Variants in SYNPR observed in about 807,000 individuals in gnomAD.
SYNPR encodes synaptoporin.
Under a neutral mutation model 32.9 loss-of-function variants are expected in SYNPR, and 23 were observed. The ratio of observed to expected loss-of-function variants is 0.70; its 90% CI spans 0.50 to 0.99. The LOEUF (loss-of-function observed/expected upper bound fraction) is 0.99. Ranked by LOEUF, SYNPR falls within the 50% of genes least tolerant of loss-of-function variation. SYNPR has a pLI of 0.00. For synonymous variants in SYNPR, 146 were observed against 135.9 expected, an observed-to-expected ratio of 1.07 and a Z score of -0.52; for missense variants, 318 against 349.3, an observed-to-expected ratio of 0.91 and a Z score of 0.71.
At chr3:63,604,526 G>T (rs1385396713) in intron 4 of SYNPR, among the ~76,000 whole-genome samples, 1 of 152,092 alleles carries the variant, frequency 6.6e-6, no homozygotes, top group East Asian at 1.9e-4. Context: ...GTGTCCCAGA[G>T]ATTCTGGTAT....
At chr3:63,476,840 C>T (rs746110295) in intron 2 of SYNPR, among the ~76,000 whole-genome samples, 24 of 152,190 alleles carry the variant, frequency 1.6e-4, no homozygotes, top group Non-Finnish European at 2.1e-4. Flanking sequence ...TTGATTGTGT[C>T]TCCCATATCT....
chr3:63,459,870 C>T lies in SYNPR; in HGVS notation c.85-20962C>T, dbSNP rs78879569. 8.5e-3 allele frequency among the ~76,000 whole-genome samples: 1,286 copies of T among 152,168 alleles called. 57 individuals are homozygous for T. In the East Asian group the frequency reaches 0.13, roughly 16 times the overall value. ...GAGGAAAATGCTGCCATCCGTCATT[C>T]AGCAAAGTCATCTTTGACACCTCCC... On this transcript the variant is annotated intron_variant, in intron 2 of 5. Transcript: ENST00000478300.
rs1699923738 is a variant in SYNPR, at chr3:63,595,720, TATATATATATATATATATATA to T, written c.409-13404_409-13384del. ...GGTGGGACTTCTGAATCTTATTTTA[TATATATATATATATATATATA>T]TATATATATATATATATATATATAT... On this transcript the variant is annotated intron_variant, in intron 4 of 5. Transcript: ENST00000478300. Among the ~76,000 whole-genome samples, 33 of 9,748 alleles carry T rather than the reference TATATATATATATATATATATA, an allele frequency of 3.4e-3. 3 individuals are homozygous for T. The highest frequency in any genetic ancestry group is 4.4e-3 in the African/African-American group (31 of 7,080). 6.4% of individuals were successfully genotyped at this position (9,748 alleles called of 152,430 possible).
At chr3:63,578,367 T>C (rs975077626) in intron 4 of SYNPR, among the ~76,000 whole-genome samples, 1 of 152,140 alleles carries the variant, frequency 6.6e-6, no homozygotes, top group Non-Finnish European at 1.5e-5. Flanking sequence ...AGCTGATACA[T>C]GCAGGTGAAG....
intron 2 of SYNPR, among the ~76,000 whole-genome samples, chr3:63,285,587 A>G (rs192153137): frequency 1.3e-5 from 2 of 152,306 alleles, no homozygotes; most frequent in East Asian, 3.9e-4. Flanking sequence ...ATGAATCAAT[A>G]AGTGCACAAC....
intron 2 of SYNPR, among the ~76,000 whole-genome samples, chr3:63,463,748 C>A (rs578181477): frequency 7.8e-4 from 119 of 152,060 alleles, no homozygotes; most frequent in Non-Finnish European, 8.5e-4. Context: ...AACACCAGCC[C>A]ACAGATACTC....
intron 2 of SYNPR, among the ~76,000 whole-genome samples, chr3:63,346,931 A>G (rs367731350): frequency 4.5e-4 from 68 of 152,354 alleles, no homozygotes; most frequent in African/African-American, 1.6e-3. Context: ...TATGAGTATA[A>G]GATTATTTCC....
chr3:63,474,732 T>C (rs750989839), intron 2 of SYNPR, among the ~76,000 whole-genome samples: 13 of 152,050 alleles, frequency 8.5e-5, no homozygotes, highest in Non-Finnish European at 1.8e-4. Context: ...TTGGTCTCAG[T>C]CTCCAAACTG....
intron 2 of SYNPR, among the ~76,000 whole-genome samples, chr3:63,405,649 C>G (rs2088350085): frequency 6.6e-6 from 1 of 152,144 alleles, no homozygotes; most frequent in Admixed American, 6.6e-5. Flanking sequence ...ATGCTTAAAA[C>G]AGACCCTTCA....
chr3:63,474,943 T>C (rs1478314810), intron 2 of SYNPR, among the ~76,000 whole-genome samples: 1 of 152,176 alleles, frequency 6.6e-6, no homozygotes, highest in East Asian at 1.9e-4. Context: ...CTATTGCATT[T>C]AACTATGACT....
chr3:63,486,751 C>A (rs1701162943), intron 3 of SYNPR, among the ~76,000 whole-genome samples: 1 of 152,172 alleles, frequency 6.6e-6, no homozygotes, highest in Admixed American at 6.6e-5. Flanking sequence ...CAAAAACAGA[C>A]AAACAAACAA....
intron 2 of SYNPR, among the ~76,000 whole-genome samples, chr3:63,296,867 C>T (rs960648725): frequency 6.6e-6 from 1 of 152,084 alleles, no homozygotes; most frequent in African/African-American, 2.4e-5. Flanking sequence ...TCTAATAGAA[C>T]ATTGTGCAAT....
chr3:63,537,265 C>T (rs1702226190), intron 3 of SYNPR, among the ~76,000 whole-genome samples: 1 of 152,084 alleles, frequency 6.6e-6, no homozygotes, highest in South Asian at 2.1e-4. Context: ...ACACTCTACC[C>T]TTTGTCTACA....
intron 1 of SYNPR, among the ~76,000 whole-genome samples, chr3:63,242,598 G>A (rs145193789): frequency 6.6e-6 from 1 of 152,182 alleles, no homozygotes; most frequent in African/African-American, 2.4e-5. Context: ...ACCCTCAGAA[G>A]AGACAAAGTC....
At chr3:63,517,490 A>G (rs1701822650) in intron 3 of SYNPR, among the ~76,000 whole-genome samples, 2 of 152,290 alleles carry the variant, frequency 1.3e-5, no homozygotes, top group South Asian at 2.1e-4. Flanking sequence ...ATAGACATCA[A>G]TGATAGTATC....
At chr3:63,554,632 T>G (rs961493474) in intron 3 of SYNPR, among the ~76,000 whole-genome samples, 5 of 152,196 alleles carry the variant, frequency 3.3e-5, no homozygotes, top group African/African-American at 1.2e-4. Context: ...TAGTTTGAAA[T>G]TGGGTATTGT....
At chr3:63,396,628 C>T (rs1018364567) in intron 2 of SYNPR, among the ~76,000 whole-genome samples, 1 of 152,096 alleles carries the variant, frequency 6.6e-6, no homozygotes, top group Non-Finnish European at 1.5e-5. Context: ...GATGGAGGCC[C>T]GAGGTCTTCC....
At chr3:63,259,736 A>G (rs1264425143) in intron 2 of SYNPR, among the ~76,000 whole-genome samples, 1 of 152,110 alleles carries the variant, frequency 6.6e-6, no homozygotes, top group Non-Finnish European at 1.5e-5. Context: ...CAATCAGGCA[A>G]GAGAAGGAAA....
At chr3:63,408,142 A>AAAAGAAAGAAAGAAAGAAAAGAAAG (rs1553876893) in intron 2 of SYNPR, among the ~76,000 whole-genome samples, 2 of 28,512 alleles carry the variant, frequency 7.0e-5, no homozygotes, top group African/African-American at 1.7e-4. Flanking sequence ...TAGAAGAAAG[A>AAAAGAAAGAAAGAAAGAAAAGAAAG]AAAGAAAGAA....
Sources: allele counts gnomAD v4.1 joint callset (sites outside exome capture counted in the v4.1 genomes callset), GRCh38; gene constraint gnomAD v4.1.1; transcripts MANE v1.5; gene names NCBI Gene and HGNC (gene_info 2026-07-23, HGNC 2026-07-21).